The following NCOA6 variants were observed in gnomAD, a reference collection of about 807,000 sequenced individuals.
NCOA6 encodes the protein NRC RAP250.
NCOA6 carries 49 observed loss-of-function variants against 171.4 expected under a neutral mutation model. That is an observed-to-expected ratio of 0.29 (90% CI 0.23 to 0.36). The LOEUF is 0.36. NCOA6 is among the 10% of genes least tolerant of loss of function. The pLI, the probability that NCOA6 is intolerant of heterozygous loss-of-function variation, is 1.00. For synonymous variants in NCOA6, 910 were observed against 927.5 expected (o/e 0.98, Z 0.34); for missense variants, 2,248 against 2,554.5 (o/e 0.88, Z 2.59).
chr20:34,794,956 G>A (rs1194085106), intron 1 of NCOA6, among the ~76,000 whole-genome samples: 3 of 152,072 alleles, frequency 2.0e-5, no homozygotes, highest in Non-Finnish European at 2.9e-5. Flanking sequence ...TCCCATCATT[G>A]GAGGTAACTA....
chr20:34,728,777 A>G (rs1448356630), intron 13 of NCOA6, among the ~76,000 whole-genome samples: 1 of 152,222 alleles, frequency 6.6e-6, no homozygotes, highest in African/African-American at 2.4e-5. Context: ...ATATGGAGTC[A>G]TGAAAAATCA....
intron 1 of NCOA6, among the ~76,000 whole-genome samples, chr20:34,813,116 G>A (rs1314403703): frequency 1.3e-5 from 2 of 149,024 alleles, no homozygotes; most frequent in Non-Finnish European, 3.0e-5. Flanking sequence ...TCGAGATCAC[G>A]CCATTGCACT....
At position 34,749,657 on chromosome 20, in the gene NCOA6, G is replaced by T; in HGVS notation, c.2538C>A (p.Phe846Leu). The change falls in exon 9 of 15, where the codon TTC becomes TTA. Residue 846 changes from phenylalanine to leucine, a missense_variant. By Grantham distance (22) the Phe-to-Leu change is conservative (BLOSUM62 0). Around this residue, in one of 7 missense-constraint regions of NCOA6, gnomAD observed 987 missense variants for 1,104.7 expected, o/e 0.89. Coordinates refer to ENST00000359003, the MANE Select transcript of NCOA6 (RefSeq NM_014071.5). ...MQGNSASGNH[F>L]SGHGMSFNAP... ...CATTGAAAGACATCCCATGGCCTGA[G>T]AAGTGGTTTCCCGAGGCACTGTTTC... 1 of 1,614,232 alleles carries T rather than the reference G, an allele frequency of 6.2e-7. No homozygotes were observed. The highest frequency in any genetic ancestry group is 8.5e-7 in the Non-Finnish European group (1 of 1,180,046).
chr20:34,738,811 C>T (rs141936823), intron 11 of NCOA6: 1 of 451,738 alleles, frequency 2.2e-6, no homozygotes, highest in East Asian at 7.0e-5. Context: ...AGGAACGTAT[C>T]AACTGTAACT....
intron 14 of NCOA6, among the ~76,000 whole-genome samples, chr20:34,722,460 A>C (rs1337846200): frequency 1.2e-4 from 19 of 152,108 alleles, no homozygotes; most frequent in African/African-American, 4.3e-4. Context: ...TGGGAGGATC[A>C]CTTGAGGCTA....
At chr20:34,783,142 A>G (rs6088603) in intron 2 of NCOA6, among the ~76,000 whole-genome samples, 128,125 of 152,008 alleles carry the variant, frequency 0.84, 54,193 homozygotes, top group Admixed American at 0.91. Context: ...TAAGCTGGAC[A>G]TGGTGGTGTA....
chr20:34,743,314 C>G lies in NCOA6; in HGVS notation c.2942G>C (p.Arg981Thr). 1 of 1,609,690 alleles carries G rather than the reference C, an allele frequency of 6.2e-7. No individual in the cohort carries two copies. The change falls in exon 11 of 15, where the codon AGG becomes ACG. Residue 981 changes from arginine (R) to threonine (T), a missense_variant. By Grantham distance (71) the Arg-to-Thr change is moderately conservative. This residue lies in a region of NCOA6 where 352 missense variants were observed against 419.1 expected (regional missense o/e 0.84). Coordinates refer to ENST00000359003, the MANE Select transcript of NCOA6 (RefSeq NM_014071.5). ...TTGAGGAGGCATCTGCTGAAGTGGC[C>G]TCTGTTCAACTGGTTGAGAAGGATA... ...PGYPSQPVEQ[R>T]PLQQMPPQLM...
intron 4 of NCOA6, 125 bp from the exon 5 acceptor site, chr20:34,768,711 A>T: frequency 9.3e-7 from 1 of 1,070,278 alleles, no homozygotes; most frequent in Non-Finnish European, 1.3e-6. Flanking sequence ...TTACCACCAG[A>T]AAAATGGTGG....
intron 5 of NCOA6, among the ~76,000 whole-genome samples, chr20:34,760,262 G>A (rs979628797): frequency 8.5e-5 from 13 of 152,156 alleles, no homozygotes; most frequent in Non-Finnish European, 1.2e-4. Flanking sequence ...AGGCAACAGG[G>A]CAAGAGCCTG....
chr20:34,806,207 AT>A (rs1247782699), intron 1 of NCOA6, among the ~76,000 whole-genome samples: 2 of 152,178 alleles, frequency 1.3e-5, no homozygotes, highest in Non-Finnish European at 2.9e-5. Flanking sequence ...ACAATTTTAC[AT>A]TTTCTTTGGA....
chr20:34,761,166 G>A (rs6058114), intron 5 of NCOA6, among the ~76,000 whole-genome samples: 235 of 152,250 alleles, frequency 1.5e-3, no homozygotes, highest in African/African-American at 4.0e-3. Context: ...TTGTTTTTTT[G>A]ATTCATATTT....
At chr20:34,798,720 C>T (rs183361070) in intron 1 of NCOA6, among the ~76,000 whole-genome samples, 92 of 152,282 alleles carry the variant, frequency 6.0e-4, no homozygotes, top group Admixed American at 1.2e-3. Context: ...TACCTAAAAC[C>T]ACCAAGGTGG....
chr20:34,776,517 C>T lies in NCOA6; in HGVS notation c.236-69G>A, dbSNP rs144021088. 2.2e-4 allele frequency: 338 copies of T among 1,553,360 alleles called. 4 individuals are homozygous for T. In the East Asian group the frequency reaches 4.8e-3, roughly 22 times the overall value. On this transcript the variant is annotated intron_variant, in intron 3 of 14. Transcript: ENST00000359003. Reference sequence around the variant, plus strand: ...CACCAGAGGAGATGGAATTAAAAAACAAACCAAAAGAGCAAAAGAATAAGG... The same window carrying T: ...CACCAGAGGAGATGGAATTAAAAAATAAACCAAAAGAGCAAAAGAATAAGG...
rs373642056 is a variant in NCOA6 at position 34,740,740 on chromosome 20, A to G, written c.5516T>C (p.Leu1839Pro). 1 of 1,614,174 alleles carries G rather than the reference A, an allele frequency of 6.2e-7. No homozygotes were observed. Among genetic ancestry groups the G allele is most frequent in the African/African-American group, 1.3e-5 (1 of 75,026 alleles). The change falls in exon 11 of 15, where the codon CTT (leucine) becomes CCT (proline). Residue 1839 changes from leucine to proline, a missense_variant. Around this residue, in one of 7 missense-constraint regions of NCOA6, gnomAD observed 884 missense variants for 941.9 expected, o/e 0.94. Transcript: ENST00000359003. Reference protein sequence around the residue: ...TKACKKVTGSLEKGEEQYGAD... With the variant: ...TKACKKVTGSPEKGEEQYGAD... ...ACCATATTGTTCTTCCCCTTTCTCAAGAGAGCCTGTAACTTTCTTACATGC... is the reference window on the plus strand; with the variant it reads ...ACCATATTGTTCTTCCCCTTTCTCAGGAGAGCCTGTAACTTTCTTACATGC...
chr20:34,755,834 C>G (rs961803371), intron 7 of NCOA6, among the ~76,000 whole-genome samples: 1 of 152,164 alleles, frequency 6.6e-6, no homozygotes, highest in East Asian at 1.9e-4. Flanking sequence ...CTCCCAGGTT[C>G]AAGCAATCCT....
At chr20:34,773,466 T>C (rs1316657832) in intron 4 of NCOA6, among the ~76,000 whole-genome samples, 1 of 152,194 alleles carries the variant, frequency 6.6e-6, no homozygotes, top group Admixed American at 6.5e-5. Context: ...TTGTTGTTGT[T>C]GTTTTGAGAC....
intron 4 of NCOA6, 135 bp downstream of exon 4, chr20:34,776,158 A>C (rs7353697): frequency 8.6e-7 from 1 of 1,162,570 alleles, no homozygotes; most frequent in Non-Finnish European, 1.2e-6. Context: ...TGCAAAGCAA[A>C]GTACAAGTTA....
intron 13 of NCOA6, among the ~76,000 whole-genome samples, 174 bp from the exon 14 acceptor site, chr20:34,727,581 G>T (rs971106571): frequency 2.0e-5 from 3 of 152,010 alleles, no homozygotes; most frequent in African/African-American, 7.2e-5. Context: ...ATGTTACTGG[G>T]GGTTTAAAAG....
At position 34,727,202 on chromosome 20, in the gene NCOA6, G is replaced by T. The variant is rs1217838854; in HGVS notation, c.6148+57C>A. ...AAGGACAAAGTCTTCTACTGCTGTG[G>T]TAAGAACTCTATTCCTCTATTTGAC... is the stretch of plus-strand genomic sequence containing the variant. On this transcript the variant is annotated intron_variant, in intron 14 of 14. Transcript: ENST00000359003. 3.8e-6 allele frequency: 6 copies of T among 1,575,554 alleles called. No homozygotes were observed. The Admixed American group carries it at 1.0e-4, about 27-fold the overall frequency.
Sources: gnomAD v4.1 joint callset for allele counts (sites outside exome capture counted in the v4.1 genomes callset) on GRCh38, gnomAD v4.1.1 for gene constraint, gnomAD v4.1.1 regional missense constraint, MANE v1.5 for transcripts, NCBI Gene and HGNC (gene_info 2026-07-23, HGNC 2026-07-21) for gene names.